The following UBAC2 variants were observed in gnomAD, a reference collection of about 807,000 sequenced individuals.
UBAC2 encodes ubiquitin-associated domain-containing protein 2.
UBAC2 carries 26 observed loss-of-function variants against 44.0 expected under a neutral mutation model. The observed-to-expected ratio is 0.59, with a 90% CI of 0.43 to 0.82. The LOEUF (loss-of-function observed/expected upper bound fraction) is 0.82. Among genes scored for constraint, UBAC2 ranks in the 40% least tolerant of loss-of-function variants. The pLI, the probability that UBAC2 is intolerant of heterozygous loss-of-function variation, is 0.00. For missense variants in UBAC2, 329 were observed against 419.4 expected (o/e 0.78, Z 1.88); for synonymous variants, 155 against 154.3 (o/e 1.00, Z -0.04).
At chr13:99,324,322 A>G (rs2138790308) in intron 6 of UBAC2, among the ~76,000 whole-genome samples, 1 of 152,312 alleles carries the variant, frequency 6.6e-6, no homozygotes, top group East Asian at 1.9e-4. Flanking sequence ...AGCCACTAAA[A>G]TATGAACAGC....
At position 99,386,109 on chromosome 13, in the gene UBAC2, G is replaced by A. The variant is rs955988749; in HGVS notation, c.*774G>A. Reference sequence around the variant, plus strand: ...GGCTCAGCCCAGGAAGAGGAGAAACGATCCCTTGCCTGCCCCTCCCTGTGG... The same window carrying A: ...GGCTCAGCCCAGGAAGAGGAGAAACAATCCCTTGCCTGCCCCTCCCTGTGG... On this transcript the variant is annotated 3_prime_UTR_variant, in exon 9 of 9. Transcript: ENST00000403766. The A allele has an allele frequency of 2.0e-5, 3 of 152,232 alleles. No homozygotes were observed. The highest frequency in any genetic ancestry group is 3.9e-4 in the East Asian group (2 of 5,188). 9.4% of individuals were successfully genotyped at this position (152,232 alleles called of 1,614,324 possible).
intron 7 of UBAC2, among the ~76,000 whole-genome samples, chr13:99,358,655 T>C (rs953717538): frequency 1.3e-5 from 2 of 152,198 alleles, no homozygotes; most frequent in Non-Finnish European, 2.9e-5. Flanking sequence ...GATTTGTATC[T>C]TAGGAACTAA....
chr13:99,296,115 G>A lies in UBAC2; in HGVS notation c.390-17982G>A, dbSNP rs746590981. ...TTTCCCTGAGGAGTTGCAGAGGGCG[G>A]AGTAAAATTGTTTGCCATTTGTATA... On this transcript the variant is annotated intron_variant, in intron 4 of 8. Transcript: ENST00000403766. 1.6e-5 allele frequency: 25 copies of A among 1,603,646 alleles called. No homozygotes were observed. The South Asian group carries it at 2.7e-4, about 17-fold the overall frequency.
intron 6 of UBAC2, among the ~76,000 whole-genome samples, chr13:99,340,116 T>C (rs1415059907): frequency 6.6e-6 from 1 of 152,196 alleles, no homozygotes; most frequent in Non-Finnish European, 1.5e-5. Flanking sequence ...TAAAAAACAA[T>C]TTTGTTTTAC....
chr13:99,350,628 T>G (rs1195765767), intron 7 of UBAC2, among the ~76,000 whole-genome samples: 4 of 152,242 alleles, frequency 2.6e-5, no homozygotes, highest in African/African-American at 9.6e-5. Flanking sequence ...ATCTGACTGT[T>G]CATCTGTATC....
At chr13:99,337,740 A>T (rs1291563824) in intron 6 of UBAC2, among the ~76,000 whole-genome samples, 1 of 151,624 alleles carries the variant, frequency 6.6e-6, no homozygotes, top group African/African-American at 2.4e-5. Context: ...TTCCCAACCC[A>T]CATGGACCCT....
At position 99,209,865 on chromosome 13, in the gene UBAC2, C is replaced by T. The variant is rs940365198; in HGVS notation, c.31+8926C>T. Among the ~76,000 whole-genome samples, 5 of 152,128 alleles carry T rather than the reference C, an allele frequency of 3.3e-5. No homozygotes were observed. In the East Asian group the frequency reaches 5.8e-4, roughly 18 times the overall value. ...GTTGGCGCCTGTAATCCCAGCTACTCGGGAGGCTGAGGCAGGGAGAATCAG... is the reference window on the plus strand; with the variant it reads ...GTTGGCGCCTGTAATCCCAGCTACTTGGGAGGCTGAGGCAGGGAGAATCAG... On this transcript the variant is annotated intron_variant, in intron 1 of 8. Transcript: ENST00000403766.
chr13:99,301,520 T>G (rs933900537), intron 4 of UBAC2, among the ~76,000 whole-genome samples: 2 of 152,226 alleles, frequency 1.3e-5, no homozygotes, highest in Non-Finnish European at 2.9e-5. Context: ...GCCTGTGTGT[T>G]TTTTTCTCTA....
intron 4 of UBAC2, among the ~76,000 whole-genome samples, chr13:99,278,734 T>G (rs2043916232): frequency 6.6e-6 from 1 of 152,244 alleles, no homozygotes; most frequent in African/African-American, 2.4e-5. Flanking sequence ...TTAATTCCTA[T>G]TTAAAAAATA....
At chr13:99,374,802 G>T (rs1346513220) in intron 8 of UBAC2, among the ~76,000 whole-genome samples, 2 of 152,206 alleles carry the variant, frequency 1.3e-5, no homozygotes, top group East Asian at 3.9e-4. Flanking sequence ...CCTGTGGACA[G>T]CGAGCTTCCT....
At chr13:99,207,536 G>A (rs1474113163) in intron 1 of UBAC2, among the ~76,000 whole-genome samples, 1 of 152,000 alleles carries the variant, frequency 6.6e-6, no homozygotes, top group Non-Finnish European at 1.5e-5. Context: ...GCTACTCTTC[G>A]ATGGCGGGGC....
chr13:99,237,226 TG>T (rs1270288080), intron 1 of UBAC2, among the ~76,000 whole-genome samples: 6 of 146,928 alleles, frequency 4.1e-5, no homozygotes, highest in African/African-American at 1.5e-4. Flanking sequence ...GGGAAAAAAA[TG>T]GATGATAGAT....
chr13:99,359,277 G>A (rs544113579), intron 7 of UBAC2, among the ~76,000 whole-genome samples: 1 of 152,192 alleles, frequency 6.6e-6, no homozygotes, highest in African/African-American at 2.4e-5. Flanking sequence ...GGAAGAAAAA[G>A]GAAAAAGTGT....
intron 4 of UBAC2, among the ~76,000 whole-genome samples, chr13:99,309,737 G>A (rs2138755003): frequency 6.6e-6 from 1 of 151,648 alleles, no homozygotes; most frequent in Non-Finnish European, 1.5e-5. Context: ...AGTAGCTGGG[G>A]CTACAGGCAC....
At chr13:99,247,664 G>A (rs971515285) in intron 4 of UBAC2, among the ~76,000 whole-genome samples, 10 of 152,186 alleles carry the variant, frequency 6.6e-5, no homozygotes, top group Non-Finnish European at 1.0e-4. Flanking sequence ...ATGATGGGTC[G>A]ATACGTGCAG....
chr13:99,372,239 G>A (rs373019872), intron 8 of UBAC2: 7 of 152,306 alleles, frequency 4.6e-5, no homozygotes, highest in African/African-American at 7.2e-5. Flanking sequence ...GCAGACGTGC[G>A]GGGAGGAAGA....
At chr13:99,249,549 A>C (rs572503625) in intron 4 of UBAC2, among the ~76,000 whole-genome samples, 1 of 152,194 alleles carries the variant, frequency 6.6e-6, no homozygotes, top group African/African-American at 2.4e-5. Flanking sequence ...TCTTTTGGCT[A>C]CGTACTCAGT....
At chr13:99,363,479 T>C (rs2045292164) in intron 7 of UBAC2, among the ~76,000 whole-genome samples, 1 of 152,214 alleles carries the variant, frequency 6.6e-6, no homozygotes. Context: ...TTTATTTCTG[T>C]CTTGTATAGA....
chr13:99,294,221 T>G (rs1245544002), intron 4 of UBAC2, among the ~76,000 whole-genome samples: 1 of 152,074 alleles, frequency 6.6e-6, no homozygotes, highest in African/African-American at 2.4e-5. Flanking sequence ...TACTAACAGC[T>G]TGGGGGAAGA....
Sources: gnomAD v4.1 joint callset for allele counts (sites outside exome capture counted in the v4.1 genomes callset) on GRCh38, gnomAD v4.1.1 for gene constraint, MANE v1.5 for transcripts, NCBI Gene and HGNC (gene_info 2026-07-23, HGNC 2026-07-21) for gene names.